The following DLG2 variants were observed in gnomAD, a reference collection of about 807,000 sequenced individuals.
The protein encoded by DLG2 is discs large MAGUK scaffold protein 2.
DLG2 carries 45 observed loss-of-function variants against 132.5 expected under a neutral mutation model. The ratio of observed to expected loss-of-function variants is 0.34; its 90% CI spans 0.27 to 0.44. The LOEUF (loss-of-function observed/expected upper bound fraction) is 0.44. DLG2 is among the 20% of genes least tolerant of loss of function. DLG2 has a pLI of 1.00. For synonymous variants in DLG2, 424 were observed against 419.6 expected (o/e 1.01, Z -0.13); for missense variants, 1,045 against 1,196.9 (o/e 0.87, Z 1.87).
chr11:84,756,742 T>A (rs564325648), intron 6 of DLG2, among the ~76,000 whole-genome samples: 4 of 152,162 alleles, frequency 2.6e-5, no homozygotes, highest in Non-Finnish European at 5.9e-5. Flanking sequence ...ATAATGAGAT[T>A]TTTTTGTGAT....
intron 18 of DLG2, among the ~76,000 whole-genome samples, chr11:83,767,296 A>T (rs139303205): frequency 1.3e-5 from 2 of 152,176 alleles, no homozygotes; most frequent in Admixed American, 6.5e-5. Flanking sequence ...GATTTGTTAC[A>T]TAGGTAAATG....
At chr11:85,486,712 A>C (rs2153099069) in intron 3 of DLG2, among the ~76,000 whole-genome samples, 1 of 152,170 alleles carries the variant, frequency 6.6e-6, no homozygotes, top group African/African-American at 2.4e-5. Context: ...GGATTCCAGT[A>C]GGTTGCTTTA....
At chr11:84,393,798 T>C (rs982927130) in intron 7 of DLG2, among the ~76,000 whole-genome samples, 1 of 152,234 alleles carries the variant, frequency 6.6e-6, no homozygotes, top group Non-Finnish European at 1.5e-5. Flanking sequence ...TATCAAATTC[T>C]AAACTTAGTC....
At chr11:83,670,099 A>T (rs1237894196) in intron 18 of DLG2, among the ~76,000 whole-genome samples, 1 of 152,208 alleles carries the variant, frequency 6.6e-6, no homozygotes, top group Non-Finnish European at 1.5e-5. Flanking sequence ...CCAGCTGAGG[A>T]CAGGCATCAT....
At chr11:84,636,884 C>G (rs571420304) in intron 6 of DLG2, among the ~76,000 whole-genome samples, 31 of 151,868 alleles carry the variant, frequency 2.0e-4, no homozygotes, top group Middle Eastern at 6.8e-3. Flanking sequence ...AAGGTTCAAG[C>G]AATTCTCCTG....
rs536784163 is a variant in DLG2 at position 84,130,568 on chromosome 11, C to G, written c.625-31521G>C. ...TATATATAAAGTATATATAAGTATA[C>G]GCACACATAGACACACACACACACA... On this transcript the variant is annotated intron_variant, in intron 9 of 27. Coordinates refer to ENST00000376104, the MANE Select transcript of DLG2 (RefSeq NM_001142699.3). 4.3e-5 allele frequency among the ~76,000 whole-genome samples: 6 copies of G among 139,740 alleles called. No homozygotes were observed. In the East Asian group the frequency reaches 1.2e-3, roughly 28 times the overall value. The allele number at this position is 139,740 out of a possible 152,430, so 91.7% of individuals were successfully genotyped here.
At chr11:85,062,983 G>T (rs968092466) in intron 6 of DLG2, among the ~76,000 whole-genome samples, 43 of 151,898 alleles carry the variant, frequency 2.8e-4, no homozygotes, top group African/African-American at 9.4e-4. Context: ...TGTACATATA[G>T]TATGTGCATA....
intron 7 of DLG2, among the ~76,000 whole-genome samples, chr11:84,345,779 T>A (rs998832392): frequency 1.2e-4 from 19 of 152,202 alleles, no homozygotes; most frequent in African/African-American, 4.6e-4. Flanking sequence ...TCACTTCCTG[T>A]TTTTGCAAAT....
At position 84,059,211 on chromosome 11, in the gene DLG2, A is replaced by T. The variant is rs114011804; in HGVS notation, c.919+104T>A. 6,193 of 1,128,068 alleles carry T rather than the reference A, an allele frequency of 5.5e-3. 262 individuals are homozygous for T. The African/African-American group carries it at 0.086, about 16-fold the overall frequency. 69.9% of individuals were successfully genotyped at this position (1,128,068 alleles called of 1,614,324 possible). A position where few individuals can be genotyped will look rare whatever the true frequency, so the allele number is the denominator to read the frequency against. On this transcript the variant is annotated intron_variant, in intron 11 of 27. Coordinates refer to ENST00000376104, the MANE Select transcript of DLG2 (RefSeq NM_001142699.3). The stretch of plus-strand genomic sequence containing the variant: ...TAGGATTTTAAATCTCTTGGTAAGC[A>T]CTGAATGTCAGAGGTTAAAGAGTTC...
chr11:85,456,109 C>CT (rs1369079262), intron 3 of DLG2, among the ~76,000 whole-genome samples: 10 of 152,124 alleles, frequency 6.6e-5, no homozygotes, highest in South Asian at 4.2e-4. Context: ...TGGTCCTGGG[C>CT]TTTTTTTGGT....
intron 22 of DLG2, among the ~76,000 whole-genome samples, chr11:83,480,868 C>T (rs1367268272): frequency 1.3e-5 from 2 of 151,982 alleles, no homozygotes; most frequent in African/African-American, 4.8e-5. Context: ...TTTGCTGGAA[C>T]GCTGCTCAAA....
intron 3 of DLG2, among the ~76,000 whole-genome samples, chr11:85,457,064 A>C (rs2092446271): frequency 6.6e-6 from 1 of 152,150 alleles, no homozygotes; most frequent in African/African-American, 2.4e-5. Flanking sequence ...GTGGGAATCT[A>C]GGTCTCTGAG....
chr11:84,501,973 C>T (rs1375296567), intron 7 of DLG2, among the ~76,000 whole-genome samples: 5 of 152,056 alleles, frequency 3.3e-5, no homozygotes, highest in African/African-American at 9.7e-5. Flanking sequence ...GGGCTGTACA[C>T]CCCACTTTGC....
chr11:84,032,680 C>A (rs968033704), intron 11 of DLG2, among the ~76,000 whole-genome samples: 1 of 152,164 alleles, frequency 6.6e-6, no homozygotes, highest in Admixed American at 6.5e-5. Context: ...GTAGACAAAA[C>A]AGCCTTGTAT....
At chr11:83,518,294 C>T (rs980990342) in intron 21 of DLG2, among the ~76,000 whole-genome samples, 7 of 152,196 alleles carry the variant, frequency 4.6e-5, no homozygotes, top group Non-Finnish European at 8.8e-5. Context: ...AAGAGTGAGG[C>T]TCCATGGGCG....
chr11:84,742,814 C>T (rs2064856130), intron 6 of DLG2, among the ~76,000 whole-genome samples: 1 of 152,120 alleles, frequency 6.6e-6, no homozygotes, highest in South Asian at 2.1e-4. Flanking sequence ...CATCCCTTTA[C>T]CTACTCCAAC....
At chr11:84,753,476 G>A (rs2066451524) in intron 6 of DLG2, among the ~76,000 whole-genome samples, 1 of 152,180 alleles carries the variant, frequency 6.6e-6, no homozygotes, top group Admixed American at 6.5e-5. Flanking sequence ...TAACAGGTTG[G>A]TGGTAGGCTC....
At chr11:85,293,671 G>A (rs1459507153) in intron 3 of DLG2, among the ~76,000 whole-genome samples, 1 of 152,076 alleles carries the variant, frequency 6.6e-6, no homozygotes, top group Non-Finnish European at 1.5e-5. Context: ...AACTAAACAG[G>A]CATGACAATT....
At chr11:85,028,111 G>C (rs2060690167) in intron 6 of DLG2, among the ~76,000 whole-genome samples, 1 of 152,150 alleles carries the variant, frequency 6.6e-6, no homozygotes, top group Non-Finnish European at 1.5e-5. Context: ...GAAGTATCCA[G>C]CTGTCAATGA....
Sources: gnomAD v4.1 joint callset for allele counts (sites outside exome capture counted in the v4.1 genomes callset) on GRCh38, gnomAD v4.1.1 for gene constraint, MANE v1.5 for transcripts, NCBI Gene and HGNC (gene_info 2026-07-23, HGNC 2026-07-21) for gene names.